GPR158: variants seen among roughly 807,000 people sequenced by gnomAD.
The protein encoded by GPR158 is metabotropic glycine receptor.
A neutral mutation model predicts 78.2 loss-of-function variants in GPR158; 30 were observed. The observed-to-expected ratio is 0.38, with a 90% CI of 0.29 to 0.52. GPR158 has a LOEUF of 0.52. GPR158 is among the 20% of genes least tolerant of loss of function. The probability of loss-of-function intolerance (pLI) is 0.83; values close to 1 mark genes in which losing one functional copy is unlikely to be tolerated. For synonymous variants in GPR158, 581 were observed against 591.1 expected (o/e 0.98, Z 0.25); for missense variants, 1,463 against 1,523.5 (o/e 0.96, Z 0.66).
At chr10:25,475,233 G>A (rs1051089384) in intron 5 of GPR158, among the ~76,000 whole-genome samples, 4 of 152,020 alleles carry the variant, frequency 2.6e-5, no homozygotes, top group African/African-American at 7.2e-5. Context: ...AAAAGACTGT[G>A]TACTTCATGA....
intron 2 of GPR158, among the ~76,000 whole-genome samples, chr10:25,225,183 CTTTT>C (rs60603738): frequency 1.5e-5 from 2 of 134,764 alleles, no homozygotes; most frequent in Non-Finnish European, 3.2e-5. Context: ...GAACATTTGC[CTTTT>C]TTTTTTTTTT....
At chr10:25,357,136 A>G (rs1855565491) in intron 2 of GPR158, among the ~76,000 whole-genome samples, 1 of 152,016 alleles carries the variant, frequency 6.6e-6, no homozygotes, top group Non-Finnish European at 1.5e-5. Flanking sequence ...AACCTGAGAG[A>G]GATGATTTAG....
chr10:25,581,011 G>A (rs945771288), intron 7 of GPR158, among the ~76,000 whole-genome samples: 11 of 147,132 alleles, frequency 7.5e-5, no homozygotes, highest in South Asian at 6.6e-4. Flanking sequence ...TGCAAGCTCC[G>A]CTTCCCGGGT....
intron 2 of GPR158, among the ~76,000 whole-genome samples, chr10:25,314,862 C>CATATATATATATATATATATAT (rs67847605): frequency 1.8e-5 from 2 of 111,418 alleles, no homozygotes; most frequent in African/African-American, 1.0e-4. Context: ...CACACACTGT[C>CATATATATATATATATATATAT]ATATATATAT....
intron 2 of GPR158, among the ~76,000 whole-genome samples, chr10:25,298,325 A>T (rs1854544872): frequency 6.6e-6 from 1 of 152,216 alleles, no homozygotes; most frequent in South Asian, 2.1e-4. Context: ...CCAACAAAAT[A>T]ATTTTCAAGG....
chr10:25,269,943 A>G (rs1854095046), intron 2 of GPR158, among the ~76,000 whole-genome samples: 1 of 152,172 alleles, frequency 6.6e-6, no homozygotes, highest in Admixed American at 6.6e-5. Flanking sequence ...AATCTAAGCT[A>G]GAGTCTCAGA....
At chr10:25,492,250 C>CCAAA (rs1835820757) in intron 5 of GPR158, among the ~76,000 whole-genome samples, 3 of 152,170 alleles carry the variant, frequency 2.0e-5, no homozygotes, top group Admixed American at 2.0e-4. Flanking sequence ...CCTGCATAAC[C>CCAAA]CAAACACCTC....
chr10:25,330,176 G>A (rs1030414040), intron 2 of GPR158, among the ~76,000 whole-genome samples: 1 of 152,056 alleles, frequency 6.6e-6, no homozygotes, highest in East Asian at 1.9e-4. Context: ...GACAGATGTA[G>A]GATTGTGTAA....
intron 6 of GPR158, among the ~76,000 whole-genome samples, chr10:25,558,210 G>T (rs1836810224): frequency 6.6e-6 from 1 of 152,164 alleles, no homozygotes; most frequent in African/African-American, 2.4e-5. Context: ...GTTTCAACTT[G>T]TTATATGTGC....
chr10:25,211,951 A>G (rs1853137298), intron 1 of GPR158, among the ~76,000 whole-genome samples: 1 of 152,056 alleles, frequency 6.6e-6, no homozygotes, highest in Admixed American at 6.6e-5. Flanking sequence ...AGTATGTCCT[A>G]ATATTTGGTT....
chr10:25,574,817 G>A (rs958943664), intron 7 of GPR158, among the ~76,000 whole-genome samples: 13 of 152,218 alleles, frequency 8.5e-5, no homozygotes, highest in South Asian at 2.1e-4. Context: ...CCCAAGAGGC[G>A]GAGGTCGCAG....
intron 4 of GPR158, among the ~76,000 whole-genome samples, chr10:25,430,753 C>A (rs1430292731): frequency 2.1e-4 from 29 of 140,674 alleles, no homozygotes; most frequent in African/African-American, 2.6e-4. Flanking sequence ...GAAAAACAAG[C>A]AATGGGGAAA....
chr10:25,368,361 T>C (rs1564434821), intron 2 of GPR158, among the ~76,000 whole-genome samples: 1 of 151,894 alleles, frequency 6.6e-6, no homozygotes, highest in Non-Finnish European at 1.5e-5. Flanking sequence ...AAAGATCTTA[T>C]ATCTAGCATC....
At chr10:25,365,126 C>A (rs182496922) in intron 2 of GPR158, among the ~76,000 whole-genome samples, 1,729 of 151,750 alleles carry the variant, frequency 0.011, 8 homozygotes, top group Non-Finnish European at 0.016. Flanking sequence ...TAACTAAGGA[C>A]ATATATACAT....
intron 2 of GPR158, among the ~76,000 whole-genome samples, chr10:25,339,716 T>C (rs1855276459): frequency 1.3e-5 from 2 of 152,276 alleles, no homozygotes; most frequent in South Asian, 4.1e-4. Flanking sequence ...ATGAAGTGGT[T>C]GAATTTTATC....
At chr10:25,388,888 G>A (rs1043758924) in intron 2 of GPR158, among the ~76,000 whole-genome samples, 2 of 152,218 alleles carry the variant, frequency 1.3e-5, no homozygotes, top group Non-Finnish European at 2.9e-5. Flanking sequence ...CAATCATGGA[G>A]CAAAGTTGAG....
intron 2 of GPR158, among the ~76,000 whole-genome samples, chr10:25,259,500 C>T (rs1853939683): frequency 6.6e-6 from 1 of 152,038 alleles, no homozygotes; most frequent in Non-Finnish European, 1.5e-5. Flanking sequence ...TTTCTAAGTA[C>T]TATAGCTTTA....
chr10:25,200,391 G>A lies in GPR158; in HGVS notation c.903-20661G>A, dbSNP rs1249047164. On this transcript the variant is annotated intron_variant, in intron 1 of 10. Coordinates refer to ENST00000376351, the MANE Select transcript of GPR158 (RefSeq NM_020752.3). The stretch of plus-strand genomic sequence containing the variant: ...GTTTTTTGCTTGTAAATGTGCTTAA[G>A]TTCCTTATAGATTCTGGATATTAGA... Among the ~76,000 whole-genome samples, 5 of 152,042 alleles carry A rather than the reference G, an allele frequency of 3.3e-5. No individual in the cohort carries two copies. The South Asian group carries it at 1.0e-3, about 32-fold the overall frequency.
Position 25,228,990 on chromosome 10 carries a change from G to A in GPR158, c.1008+7833G>A, listed in dbSNP as rs371800139. Among the ~76,000 whole-genome samples, 28 of 150,668 alleles carry A rather than the reference G, an allele frequency of 1.9e-4. No homozygotes were observed. The South Asian group carries it at 2.1e-3, about 11-fold the overall frequency. On this transcript the variant is annotated intron_variant, in intron 2 of 10. Coordinates refer to ENST00000376351, the MANE Select transcript of GPR158 (RefSeq NM_020752.3). Reference sequence around the variant, plus strand: ...GCGGGGTTTACAGTGAGCTGAGATCGTGCCACTGCACTCCAGCCTGGGTGA... The same window carrying A: ...GCGGGGTTTACAGTGAGCTGAGATCATGCCACTGCACTCCAGCCTGGGTGA...
Sources: gnomAD v4.1 joint callset for allele counts (sites outside exome capture counted in the v4.1 genomes callset) on GRCh38, gnomAD v4.1.1 for gene constraint, MANE v1.5 for transcripts, NCBI Gene and HGNC (gene_info 2026-07-23, HGNC 2026-07-21) for gene names.